PTPRD: variants seen among roughly 807,000 people sequenced by gnomAD.
PTPRD encodes protein tyrosine phosphatase receptor type D.
Under a neutral mutation model 214.5 loss-of-function variants are expected in PTPRD, and 34 were observed. The ratio of observed to expected loss-of-function variants is 0.16; its 90% CI spans 0.12 to 0.21. The LOEUF is 0.21. Ranked by LOEUF, PTPRD falls within the 10% of genes least tolerant of loss-of-function variation. The pLI is 1.00. For synonymous variants in PTPRD, 1,128 were observed against 845.7 expected, an observed-to-expected ratio of 1.33 and a Z score of -5.79; for missense variants, 2,545 against 2,398.7, an observed-to-expected ratio of 1.06 and a Z score of -1.27.
intron 12 of PTPRD, among the ~76,000 whole-genome samples, chr9:8,691,618 T>C (rs1439355694): frequency 1.3e-5 from 2 of 152,186 alleles, no homozygotes; most frequent in South Asian, 2.1e-4. Context: ...TGAATATACT[T>C]ATTGGTACAA....
chr9:8,835,518 G>A (rs965281692), intron 11 of PTPRD, among the ~76,000 whole-genome samples: 1 of 152,020 alleles, frequency 6.6e-6, no homozygotes, highest in African/African-American at 2.4e-5. Context: ...GCCCTGACAA[G>A]TTTTACTTTT....
At chr9:9,169,299 T>C (rs2099909994) in intron 10 of PTPRD, among the ~76,000 whole-genome samples, 1 of 152,240 alleles carries the variant, frequency 6.6e-6, no homozygotes, top group African/African-American at 2.4e-5. Flanking sequence ...TCCTAACCAA[T>C]TCTATGCCAC....
intron 2 of PTPRD, among the ~76,000 whole-genome samples, chr9:10,542,074 A>C (rs191722148): frequency 6.6e-6 from 1 of 152,300 alleles, no homozygotes; most frequent in East Asian, 1.9e-4. Flanking sequence ...AAGTCTTAAA[A>C]TATAGACTTT....
chr9:10,079,931 G>C (rs1369044156), intron 3 of PTPRD, among the ~76,000 whole-genome samples: 1 of 137,754 alleles, frequency 7.3e-6, no homozygotes, highest in Non-Finnish European at 1.5e-5. Flanking sequence ...ATTAAATCTT[G>C]CTTTTTTTTT....
intron 37 of PTPRD, among the ~76,000 whole-genome samples, chr9:8,383,309 G>A (rs1332139867): frequency 6.6e-6 from 1 of 152,152 alleles, no homozygotes; most frequent in Non-Finnish European, 1.5e-5. Context: ...GAAGACATAG[G>A]AGGAGGAGTG....
intron 12 of PTPRD, among the ~76,000 whole-genome samples, chr9:8,684,938 G>A (rs1356417824): frequency 6.6e-6 from 1 of 152,144 alleles, no homozygotes; most frequent in Non-Finnish European, 1.5e-5. Context: ...AGAAAAAACA[G>A]TGATCAGCTT....
intron 10 of PTPRD, among the ~76,000 whole-genome samples, chr9:9,052,279 C>A (rs1466081965): frequency 6.6e-6 from 1 of 152,140 alleles, no homozygotes; most frequent in Non-Finnish European, 1.5e-5. Context: ...CTCCTAATAT[C>A]AACATCTTGG....
chr9:9,013,234 G>T (rs2099519293), intron 11 of PTPRD, among the ~76,000 whole-genome samples: 1 of 151,990 alleles, frequency 6.6e-6, no homozygotes, highest in Admixed American at 6.6e-5. Flanking sequence ...AAGCGTTTCT[G>T]AAGCAATAAT....
intron 2 of PTPRD, among the ~76,000 whole-genome samples, chr9:10,594,608 A>C (rs2076214071): frequency 6.6e-6 from 1 of 152,042 alleles, no homozygotes; most frequent in African/African-American, 2.4e-5. Context: ...AATGGCTGAC[A>C]GACTAATGAG....
chr9:8,832,490 G>A (rs909548486), intron 11 of PTPRD, among the ~76,000 whole-genome samples: 1 of 137,498 alleles, frequency 7.3e-6, no homozygotes, highest in Non-Finnish European at 1.5e-5. Context: ...TTACAAGTAA[G>A]AGAAAAAGTC....
intron 8 of PTPRD, among the ~76,000 whole-genome samples, chr9:9,479,696 T>G (rs1403648806): frequency 6.6e-6 from 1 of 151,820 alleles, no homozygotes; most frequent in Non-Finnish European, 1.5e-5. Context: ...TTTTATAGAT[T>G]GAAAACCTTA....
At chr9:10,563,519 C>A (rs77516363) in intron 2 of PTPRD, among the ~76,000 whole-genome samples, 1 of 152,230 alleles carries the variant, frequency 6.6e-6, no homozygotes, top group East Asian at 1.9e-4. Context: ...TCCTACCTGA[C>A]TTTCCAACTT....
intron 8 of PTPRD, among the ~76,000 whole-genome samples, chr9:9,570,365 C>T (rs550327754): frequency 6.6e-6 from 1 of 151,416 alleles, no homozygotes; most frequent in Non-Finnish European, 1.5e-5. Flanking sequence ...TGTCGTTTAA[C>T]TTCATTTTTC....
chr9:8,715,133 A>G (rs931410199), intron 12 of PTPRD, among the ~76,000 whole-genome samples: 2 of 138,678 alleles, frequency 1.4e-5, no homozygotes, highest in Admixed American at 7.2e-5. Context: ...AAGATCTATG[A>G]AAAAAAAAAA....
intron 8 of PTPRD, among the ~76,000 whole-genome samples, chr9:9,475,807 C>G (rs923162559): frequency 6.6e-6 from 1 of 152,146 alleles, no homozygotes; most frequent in Non-Finnish European, 1.5e-5. Flanking sequence ...ACTTGGCAAT[C>G]TGAAGTTTCA....
chr9:8,694,404 C>G (rs1054325614), intron 12 of PTPRD, among the ~76,000 whole-genome samples: 1 of 151,948 alleles, frequency 6.6e-6, no homozygotes, highest in African/African-American at 2.4e-5. Flanking sequence ...TTCATACAAA[C>G]AACACTTCTA....
chr9:9,537,577 G>T lies in PTPRD; in HGVS notation c.-237+37155C>A, dbSNP rs569476847. On this transcript the variant is annotated intron_variant, in intron 8 of 45. Transcript: ENST00000381196. ...CACACATCTTAGAATCTGTTTTTGA[G>T]AACTTTATTTGGGTGCCTGTTCTTA... is the stretch of plus-strand genomic sequence containing the variant. Among the ~76,000 whole-genome samples the T allele has an allele frequency of 3.3e-5, 5 of 152,010 alleles. No homozygotes were observed. In the South Asian group the frequency reaches 1.0e-3, roughly 31 times the overall value.
chr9:9,917,302 G>GAA (rs140708788), intron 5 of PTPRD, among the ~76,000 whole-genome samples: 684 of 21,108 alleles, frequency 0.032, 31 homozygotes, highest in African/African-American at 0.066. Flanking sequence ...TAGCTAGACT[G>GAA]AAAAAAAAAA....
intron 7 of PTPRD, among the ~76,000 whole-genome samples, chr9:9,708,389 T>C (rs1008779199): frequency 1.3e-5 from 2 of 152,112 alleles, no homozygotes; most frequent in Non-Finnish European, 2.9e-5. Context: ...AGACTATATT[T>C]CATTTATTCT....
Sources: allele counts gnomAD v4.1 joint callset (sites outside exome capture counted in the v4.1 genomes callset), GRCh38; gene constraint gnomAD v4.1.1; transcripts MANE v1.5; gene names NCBI Gene and HGNC (gene_info 2026-07-23, HGNC 2026-07-21).